CSF2RA: variants seen among roughly 807,000 people sequenced by gnomAD.
The protein encoded by CSF2RA is colony stimulating factor 2 receptor subunit alpha, also known as granulocyte-macrophage colony-stimulating factor receptor subunit alpha.
Under a neutral mutation model 51.6 loss-of-function variants are expected in CSF2RA, and 42 were observed. The observed-to-expected ratio is 0.81, with a 90% confidence interval of 0.64 to 1.05. The LOEUF (loss-of-function observed/expected upper bound fraction) is 1.05. Ranked by LOEUF, CSF2RA falls within the 50% of genes least tolerant of loss-of-function variation. The probability of loss-of-function intolerance (pLI) is 0.00; values close to 1 mark genes in which losing one functional copy is unlikely to be tolerated. For synonymous variants in CSF2RA, 222 were observed against 193.0 expected (o/e 1.15, Z -1.24); for missense variants, 530 against 501.1 (o/e 1.06, Z -0.55).
intron 10 of CSF2RA, chrX:1,302,852 G>T: frequency 3.5e-6 from 1 of 289,562 alleles, no homozygotes; most frequent in Non-Finnish European, 6.1e-6. Flanking sequence ...CATCATGCTT[G>T]GCCATTTTTT....
At chrX:1,318,735 G>A in the CSF2RA span, among the ~76,000 whole-genome samples, 6 of 151,074 alleles carry the variant, frequency 4.0e-5, no homozygotes, top group East Asian at 1.3e-3. Context: ...GGCTAACACG[G>A]TGAAACCCCA....
intron 9 of CSF2RA, among the ~76,000 whole-genome samples, chrX:1,295,803 G>T (rs1297498866): frequency 6.7e-6 from 1 of 148,314 alleles, no homozygotes; most frequent in Admixed American, 6.7e-5. Flanking sequence ...CGTGTAGACA[G>T]GAAGAGACCC....
the CSF2RA span, among the ~76,000 whole-genome samples, chrX:1,320,521 G>A: frequency 3.5e-5 from 5 of 143,858 alleles, no homozygotes; most frequent in East Asian, 2.1e-4. Flanking sequence ...TTTCCGAGAC[G>A]GAGTGTTACT....
chrX:1,323,158 T>TAAAATAAAATAAAATAAAATAAAATAAA, the CSF2RA span, among the ~76,000 whole-genome samples: 1 of 133,956 alleles, frequency 7.5e-6, no homozygotes, highest in Non-Finnish European at 1.5e-5. Context: ...ACATTACAAT[T>TAAAATAAAATAAAATAAAATAAAATAAA]ATAAAATAAA....
chrX:1,309,379 G>A (rs760858210), intron 12 of CSF2RA, 23 bp from the exon 13 acceptor site: 1 of 1,612,768 alleles, frequency 6.2e-7, no homozygotes, highest in South Asian at 1.1e-5. Flanking sequence ...AGATCTGACA[G>A]CCTGAACCCT....
Position 1,288,508 on chromosome X carries a change from C to T in CSF2RA, c.220-11C>T, listed in dbSNP as rs768546954. 6.2e-7 allele frequency: 1 copy of T among 1,613,892 alleles called. No homozygotes were observed. Among genetic ancestry groups the T allele is most frequent in the East Asian group, 2.2e-5 (1 of 44,866 alleles). ...TTTCCTAATCGGCTCTGTCTGGTTG[C>T]AATTCTTCAGCTCAGTAACAACGAA... On this transcript the variant is annotated splice_polypyrimidine_tract_variant and intron_variant, in intron 4 of 12. Transcript: ENST00000381529.
At chrX:1,272,851 C>A in intron 1 of CSF2RA, among the ~76,000 whole-genome samples, 1 of 138,042 alleles carries the variant, frequency 7.2e-6, no homozygotes, top group Admixed American at 8.1e-5. Flanking sequence ...TGGAGTCTAA[C>A]TTTGTCGCCC....
intron 1 of CSF2RA, among the ~76,000 whole-genome samples, chrX:1,273,890 G>A (rs1458383962): frequency 6.6e-6 from 1 of 151,720 alleles, no homozygotes; most frequent in East Asian, 1.9e-4. Flanking sequence ...GAGTCACCGC[G>A]CCCGGCATGA....
chrX:1,307,946 ACCCTTCCC>A (rs1381741090), intron 12 of CSF2RA, among the ~76,000 whole-genome samples: 4 of 145,110 alleles, frequency 2.8e-5, no homozygotes, highest in Admixed American at 2.1e-4. Flanking sequence ...GATGAAGCCC[ACCCTTCCC>A]CCCTTCCCCT....
chrX:1,302,536 G>A (rs1309266884), intron 10 of CSF2RA, among the ~76,000 whole-genome samples: 3 of 151,804 alleles, frequency 2.0e-5, no homozygotes, highest in South Asian at 4.2e-4. Flanking sequence ...ACGGACTCTC[G>A]CTCTGTCACC....
chrX:1,318,170 CTTTTTTTTTT>C, the CSF2RA span, among the ~76,000 whole-genome samples: 1 of 127,158 alleles, frequency 7.9e-6, no homozygotes, highest in African/African-American at 3.0e-5. Flanking sequence ...TTTTTTTTAA[CTTTTTTTTTT>C]GAGACAGAGT....
At chrX:1,303,452 C>T in intron 10 of CSF2RA, 1 of 433,792 alleles carries the variant, frequency 2.3e-6, no homozygotes, top group Non-Finnish European at 4.1e-6. Flanking sequence ...GTTAGTGAGG[C>T]TTGTCTCGAA....
At chrX:1,321,256 T>C in the CSF2RA span, among the ~76,000 whole-genome samples, 16,440 of 151,770 alleles carry the variant, frequency 0.11, 1,168 homozygotes, top group East Asian at 0.23. Flanking sequence ...GATCACGAGG[T>C]CAGGAGATCG....
chrX:1,300,670 C>A, intron 10 of CSF2RA, 44 bp downstream of exon 10: 1 of 1,613,534 alleles, frequency 6.2e-7, no homozygotes, highest in Admixed American at 1.7e-5. Context: ...CCGTCTGCGG[C>A]CACCCTGCAG....
chrX:1,289,130 T>G lies in CSF2RA; in HGVS notation c.473+242T>G, dbSNP rs2091090884. ...GCGCCCGCCACCACACCAGGCCACA[T>G]CTATGTATTTAGAGACAGAGTCTTG... On this transcript the variant is annotated intron_variant, in intron 6 of 12. Coordinates refer to ENST00000381529, the MANE Select transcript of CSF2RA (RefSeq NM_172245.4). The G allele has an allele frequency of 7.1e-6, 4 of 561,244 alleles. No individual in the cohort carries two copies. In the South Asian group the frequency reaches 8.1e-5, roughly 11 times the overall value. The allele number at this position is 561,244 out of a possible 1,614,324, so 34.8% of individuals were successfully genotyped here. A position where few individuals can be genotyped will look rare whatever the true frequency, so the allele number is the denominator to read the frequency against.
the CSF2RA span, among the ~76,000 whole-genome samples, chrX:1,319,981 T>C: frequency 1.3e-5 from 2 of 150,872 alleles, no homozygotes; most frequent in South Asian, 2.1e-4. Context: ...CTGCAAGCTC[T>C]GCCTCCTGGG....
chrX:1,315,467 G>A, the CSF2RA span, among the ~76,000 whole-genome samples: 18 of 152,120 alleles, frequency 1.2e-4, no homozygotes, highest in East Asian at 3.9e-4. Context: ...GCAGTGGCGC[G>A]ATCTCAGCTC....
At chrX:1,324,592 A>G in the CSF2RA span, among the ~76,000 whole-genome samples, 1 of 151,208 alleles carries the variant, frequency 6.6e-6, no homozygotes, top group Non-Finnish European at 1.5e-5. Flanking sequence ...AAGAAAGAGA[A>G]AGAGAGAAAG....
chrX:1,275,114 C>T (rs2089004063), intron 2 of CSF2RA, among the ~76,000 whole-genome samples: 3 of 150,714 alleles, frequency 2.0e-5, no homozygotes. Context: ...AAGAGCCGGC[C>T]GGGCGCAGTG....
Sources: gnomAD v4.1 joint callset for allele counts (sites outside exome capture counted in the v4.1 genomes callset) on GRCh38, gnomAD v4.1.1 for gene constraint, MANE v1.5 for transcripts, NCBI Gene and HGNC (gene_info 2026-07-23, HGNC 2026-07-21) for gene names.